IPO11: variants seen among roughly 807,000 people sequenced by gnomAD.
IPO11 encodes the protein importin-11.
Under a neutral mutation model 143.2 loss-of-function variants are expected in IPO11, and 66 were observed. The ratio of observed to expected loss-of-function variants is 0.46; its 90% CI spans 0.38 to 0.57. The LOEUF (loss-of-function observed/expected upper bound fraction) is 0.57. Among genes scored for constraint, IPO11 ranks in the 20% least tolerant of loss-of-function variants. The probability of loss-of-function intolerance (pLI) is 0.00; values close to 1 mark genes in which losing one functional copy is unlikely to be tolerated. For missense variants in IPO11, 1,026 were observed against 1,141.0 expected (o/e 0.90, Z 1.45); for synonymous variants, 385 against 377.8 (o/e 1.02, Z -0.22).
Position 62,483,085 on chromosome 5 carries a change from A to G in IPO11, c.829-16A>G, listed in dbSNP as rs1746268051. The G allele has an allele frequency of 6.8e-7, 1 of 1,466,774 alleles. No individual in the cohort carries two copies. The highest frequency in any genetic ancestry group is 9.4e-7 in the Non-Finnish European group (1 of 1,068,158). The allele number at this position is 1,466,774 out of a possible 1,614,324, so 90.9% of individuals were successfully genotyped here. A position where few individuals can be genotyped will look rare whatever the true frequency, so the allele number is the denominator to read the frequency against. ...GGAAAATACATTTTAATTTTTATTTATTTATTTTTCTACAGCTTTTGGACT... is the reference window on the plus strand; with the variant it reads ...GGAAAATACATTTTAATTTTTATTTGTTTATTTTTCTACAGCTTTTGGACT... On this transcript the variant is annotated splice_polypyrimidine_tract_variant and intron_variant, in intron 9 of 29. Coordinates refer to ENST00000325324, the MANE Select transcript of IPO11 (RefSeq NM_016338.5).
At chr5:62,602,463 T>C (rs1350052430) in intron 29 of IPO11, among the ~76,000 whole-genome samples, 1 of 152,210 alleles carries the variant, frequency 6.6e-6, no homozygotes, top group Non-Finnish European at 1.5e-5. Flanking sequence ...TTGGAATCTT[T>C]TCTTGTCTTC....
chr5:62,626,432 T>C (rs1746580274), intron 29 of IPO11, among the ~76,000 whole-genome samples: 1 of 152,198 alleles, frequency 6.6e-6, no homozygotes. Flanking sequence ...TTTACCAGTT[T>C]TTCCGGTAAC....
chr5:62,430,909 C>T (rs936151251), intron 1 of IPO11, among the ~76,000 whole-genome samples: 1 of 151,806 alleles, frequency 6.6e-6, no homozygotes, highest in Non-Finnish European at 1.5e-5. Context: ...AACTCCTGAC[C>T]TCAGGTGATC....
chr5:62,554,033 TG>T (rs1208384703), intron 26 of IPO11, among the ~76,000 whole-genome samples: 1 of 152,210 alleles, frequency 6.6e-6, no homozygotes, highest in Non-Finnish European at 1.5e-5. Context: ...GCCTGGCAGA[TG>T]TTGACCATTT....
At chr5:62,467,299 A>G in intron 6 of IPO11, 36 bp downstream of exon 6, 1 of 1,592,894 alleles carries the variant, frequency 6.3e-7, no homozygotes, top group Non-Finnish European at 8.5e-7. Flanking sequence ...TTTTGAAATG[A>G]GATACCTCAG....
At chr5:62,585,553 A>C (rs968215841) in intron 27 of IPO11, among the ~76,000 whole-genome samples, 2 of 152,190 alleles carry the variant, frequency 1.3e-5, no homozygotes, top group Non-Finnish European at 2.9e-5. Context: ...GGTCATATAT[A>C]GGGCTGAGTA....
At chr5:62,451,210 A>G (rs1466792306) in intron 4 of IPO11, among the ~76,000 whole-genome samples, 1 of 152,204 alleles carries the variant, frequency 6.6e-6, no homozygotes, top group Non-Finnish European at 1.5e-5. Context: ...ATCTCGTTAT[A>G]CTGCTAAAAT....
At chr5:62,616,262 G>A (rs945708384) in intron 29 of IPO11, among the ~76,000 whole-genome samples, 7 of 152,184 alleles carry the variant, frequency 4.6e-5, no homozygotes, top group Non-Finnish European at 7.3e-5. Context: ...GGGTGGGCAG[G>A]AGGAGAAAGT....
intron 27 of IPO11, among the ~76,000 whole-genome samples, chr5:62,575,762 T>C (rs73108074): frequency 0.016 from 2,492 of 152,334 alleles, 65 homozygotes; most frequent in African/African-American, 0.058. Context: ...CAAGGTGTTA[T>C]CTGATTTCCC....
intron 20 of IPO11, among the ~76,000 whole-genome samples, chr5:62,522,983 T>C (rs1237154720): frequency 6.6e-6 from 1 of 152,152 alleles, no homozygotes. Flanking sequence ...GCGCACACAG[T>C]TGTGCACACA....
Position 62,448,595 on chromosome 5 carries a change from G to T in IPO11, c.240-1332G>T, listed in dbSNP as rs187123359. Among the ~76,000 whole-genome samples, 5 of 152,268 alleles carry T rather than the reference G, an allele frequency of 3.3e-5. No homozygotes were observed. The East Asian group carries it at 9.6e-4, about 29-fold the overall frequency. On this transcript the variant is annotated intron_variant, in intron 3 of 29. Coordinates refer to ENST00000325324, the MANE Select transcript of IPO11 (RefSeq NM_016338.5). ...AGACAGGGTCTTGCTCCGTTGCCCA[G>T]GCTGGAATGCAGTGGCACAATCATA...
At position 62,500,929 on chromosome 5, in the gene IPO11, A is replaced by G. The variant is rs538255553; in HGVS notation, c.1591-3738A>G. ...ACTATGTGATGGGAATTTTCAACTC[A>G]GTTATAATCTTATGAGACTACGTTT... On this transcript the variant is annotated intron_variant, in intron 16 of 29. Coordinates refer to ENST00000325324, the MANE Select transcript of IPO11 (RefSeq NM_016338.5). Among the ~76,000 whole-genome samples the G allele has an allele frequency of 3.3e-5, 5 of 152,320 alleles. No homozygotes were observed. The South Asian group carries it at 1.0e-3, about 32-fold the overall frequency.
chr5:62,610,492 C>G (rs1015029424), intron 29 of IPO11, among the ~76,000 whole-genome samples: 9 of 152,242 alleles, frequency 5.9e-5, no homozygotes, highest in African/African-American at 2.2e-4. Context: ...TTGTCACTTA[C>G]GTGTTGGTTA....
At chr5:62,460,465 A>G (rs1221857952) in intron 5 of IPO11, among the ~76,000 whole-genome samples, 2 of 152,216 alleles carry the variant, frequency 1.3e-5, no homozygotes, top group African/African-American at 4.8e-5. Context: ...TTGTCTCAGT[A>G]TTCGTGATGA....
At chr5:62,514,544 A>G (rs1741928670) in intron 19 of IPO11, among the ~76,000 whole-genome samples, 1 of 148,642 alleles carries the variant, frequency 6.7e-6, no homozygotes, top group African/African-American at 2.6e-5. Context: ...TGGCAGCAGT[A>G]CAGTCCAGCT....
chr5:62,524,293 A>G (rs1332862247), intron 20 of IPO11, among the ~76,000 whole-genome samples: 1 of 152,196 alleles, frequency 6.6e-6, no homozygotes, highest in African/African-American at 2.4e-5. Context: ...CTATAATTAC[A>G]TAAGATGTAA....
At chr5:62,553,047 A>G (rs1402252808) in intron 26 of IPO11, among the ~76,000 whole-genome samples, 3 of 152,242 alleles carry the variant, frequency 2.0e-5, no homozygotes, top group Admixed American at 6.5e-5. Flanking sequence ...GAACACTAGA[A>G]CTTATTCCTC....
intron 19 of IPO11, among the ~76,000 whole-genome samples, chr5:62,509,405 G>T (rs1316285292): frequency 6.6e-6 from 1 of 152,082 alleles, no homozygotes; most frequent in Non-Finnish European, 1.5e-5. Flanking sequence ...CATGTTTTCA[G>T]TGATATGAAT....
chr5:62,598,460 C>T (rs868206643), intron 28 of IPO11, among the ~76,000 whole-genome samples: 4 of 3,132 alleles, frequency 1.3e-3, no homozygotes, highest in Non-Finnish European at 2.1e-3. Context: ...CTCTCTCTCT[C>T]TCTCTCTCTC....
Sources: gnomAD v4.1 joint callset for allele counts (sites outside exome capture counted in the v4.1 genomes callset) on GRCh38, gnomAD v4.1.1 for gene constraint, MANE v1.5 for transcripts, NCBI Gene and HGNC (gene_info 2026-07-23, HGNC 2026-07-21) for gene names.